OVOL2: variants seen among roughly 807,000 people sequenced by gnomAD.
OVOL2 encodes transcription factor Ovo-like 2.
Under a neutral mutation model 18.1 loss-of-function variants are expected in OVOL2, and 13 were observed. The ratio of observed to expected loss-of-function variants is 0.72; its 90% CI spans 0.47 to 1.14. The LOEUF (loss-of-function observed/expected upper bound fraction) is 1.14, where lower values mean the gene tolerates loss of function less well. Ranked by LOEUF, OVOL2 falls within the 50% of genes most tolerant of loss-of-function variation. The pLI, the probability that OVOL2 is intolerant of heterozygous loss-of-function variation, is 0.00. For synonymous variants in OVOL2, 166 were observed against 162.7 expected, an observed-to-expected ratio of 1.02 and a Z score of -0.16; for missense variants, 335 against 383.0, an observed-to-expected ratio of 0.87 and a Z score of 1.05.
At chr20:18,040,658 C>G (rs1339042818) in intron 3 of OVOL2, among the ~76,000 whole-genome samples, 1 of 152,086 alleles carries the variant, frequency 6.6e-6, no homozygotes, top group Non-Finnish European at 1.5e-5. Flanking sequence ...GCCAAGGGCA[C>G]CCCCAGGACT....
chr20:18,027,303 G>A (rs566616779), intron 3 of OVOL2, among the ~76,000 whole-genome samples: 6 of 152,072 alleles, frequency 3.9e-5, no homozygotes, highest in South Asian at 2.1e-4. Context: ...TGACGTGGGC[G>A]GATCACCTGA....
At chr20:18,052,507 G>A (rs927413667) in intron 2 of OVOL2, among the ~76,000 whole-genome samples, 1 of 152,148 alleles carries the variant, frequency 6.6e-6, no homozygotes, top group Non-Finnish European at 1.5e-5. Context: ...GGGTGGGAGT[G>A]TGGCTGGGCA....
At chr20:18,039,720 T>C (rs1467524775) in intron 3 of OVOL2, among the ~76,000 whole-genome samples, 1 of 152,084 alleles carries the variant, frequency 6.6e-6, no homozygotes, top group African/African-American at 2.4e-5. Flanking sequence ...CAGAAACTCT[T>C]TCCAGACCAG....
chr20:18,024,520 G>A lies in OVOL2; in HGVS notation c.*116C>T. 1 of 1,451,414 alleles carries A rather than the reference G, an allele frequency of 6.9e-7. No homozygotes were observed. The highest frequency in any genetic ancestry group is 9.1e-7 in the Non-Finnish European group (1 of 1,101,238). The allele number at this position is 1,451,414 out of a possible 1,614,324, so 89.9% of individuals were successfully genotyped here. A position where few individuals can be genotyped will look rare whatever the true frequency, so the allele number is the denominator to read the frequency against. On this transcript the variant is annotated 3_prime_UTR_variant, in exon 4 of 4. Transcript: ENST00000278780. ...ACTGCTGATGTTTCAAAAGGACACA[G>A]AGGTGAACTGGTCACTTCTAATTAA...
rs538188467 is a variant in OVOL2 at position 18,057,706 on chromosome 20, C to T, written c.-72G>A. ...CCCGCTAGGGGCAACGGCGGCGGCT[C>T]CGTCCCCGGCTCCCGGCGGCCAGAG... On this transcript the variant is annotated 5_prime_UTR_variant, in exon 1 of 4. Transcript: ENST00000278780. This position sits in a 1 kb window ranked among gnomAD's most constrained non-coding sequence, Gnocchi z 6.3. 2,889 of 1,475,064 alleles carry T rather than the reference C, an allele frequency of 2.0e-3. 54 individuals carry two copies. In the African/African-American group the frequency reaches 0.038, roughly 20 times the overall value. 91.4% of individuals were successfully genotyped at this position (1,475,064 alleles called of 1,614,324 possible).
chr20:18,028,669 T>C (rs1350369353), intron 3 of OVOL2, among the ~76,000 whole-genome samples: 2 of 152,032 alleles, frequency 1.3e-5, no homozygotes, highest in Non-Finnish European at 2.9e-5. Context: ...GGCCCACATC[T>C]GTAATCTCAG....
Position 18,034,749 on chromosome 20 carries a change from T to C in OVOL2, c.511+6785A>G, listed in dbSNP as rs148347203. 2.6e-3 allele frequency among the ~76,000 whole-genome samples: 396 copies of C among 152,202 alleles called. 2 individuals carry two copies. Among genetic ancestry groups the C allele is most frequent in the African/African-American group, 9.1e-3 (378 of 41,530 alleles). ...ATCTTTTCTTTCGTCTACTTGGATA[T>C]TAATGTAAGACATCTTCAGGTTCTA... On this transcript the variant is annotated intron_variant, in intron 3 of 3. Coordinates refer to ENST00000278780, the MANE Select transcript of OVOL2 (RefSeq NM_021220.4).
chr20:18,051,720 T>C (rs2036772909), intron 2 of OVOL2, among the ~76,000 whole-genome samples: 2 of 152,198 alleles, frequency 1.3e-5, no homozygotes, highest in Admixed American at 1.3e-4. Flanking sequence ...GAAATGTCGC[T>C]AGTAGGACTG....
chr20:18,037,150 A>AAAAAAAAAAAG lies in OVOL2; in HGVS notation c.511+4383_511+4384insCTTTTTTTTTT, dbSNP rs751298916. 1.9e-4 allele frequency among the ~76,000 whole-genome samples: 28 copies of AAAAAAAAAAAG among 147,228 alleles called. 1 individual carries two copies. The highest frequency in any genetic ancestry group is 3.4e-4 in the Admixed American group (5 of 14,512). On this transcript the variant is annotated intron_variant, in intron 3 of 3. Coordinates refer to ENST00000278780, the MANE Select transcript of OVOL2 (RefSeq NM_021220.4). The stretch of plus-strand genomic sequence containing the variant: ...GACTCCGTCTCAAAAAAAAAAAAAA[A>AAAAAAAAAAAG]AAAGAAAGAAACTGCAACAGGGCAG...
rs777416220 is a variant in OVOL2 at position 18,024,981 on chromosome 20, C to T, written c.512-29G>A. 30 of 1,588,668 alleles carry T rather than the reference C, an allele frequency of 1.9e-5. No homozygotes were observed. The South Asian group carries it at 2.4e-4, about 13-fold the overall frequency. On this transcript the variant is annotated intron_variant, in intron 3 of 3. Transcript: ENST00000278780. ...AAAGGATGAGGGACAGACACAGCAT[C>T]GGTTGGTCATGGCCAAGCCAGAACC...
chr20:18,056,578 G>T lies in OVOL2; in HGVS notation c.321+79C>A. ...GTGCCGGGTTGCGCAGGCGGGCGCGGCAGGGAGGGGCGCCGGCCTCGGGAG... is the reference window on the plus strand; with the variant it reads ...GTGCCGGGTTGCGCAGGCGGGCGCGTCAGGGAGGGGCGCCGGCCTCGGGAG... On this transcript the variant is annotated intron_variant, in intron 2 of 3. Coordinates refer to ENST00000278780, the MANE Select transcript of OVOL2 (RefSeq NM_021220.4). This position sits in a 1 kb window ranked among gnomAD's most constrained non-coding sequence, Gnocchi z 4.2. 1 of 1,272,844 alleles carries T rather than the reference G, an allele frequency of 7.9e-7. No individual in the cohort carries two copies. 78.8% of individuals were successfully genotyped at this position (1,272,844 alleles called of 1,614,324 possible).
At chr20:18,026,500 G>C (rs1334292378) in intron 3 of OVOL2, among the ~76,000 whole-genome samples, 2 of 151,218 alleles carry the variant, frequency 1.3e-5, no homozygotes, top group African/African-American at 2.4e-5. Flanking sequence ...TCCTGCCTCA[G>C]CCTCCCGAGT....
intron 2 of OVOL2, among the ~76,000 whole-genome samples, chr20:18,046,943 C>CA (rs563761406): frequency 0.045 from 5,761 of 128,680 alleles, 124 homozygotes; most frequent in Middle Eastern, 0.065. Flanking sequence ...TCTGAAGGAT[C>CA]AAAAAAAAAA....
Position 18,027,978 on chromosome 20 carries a change from T to C in OVOL2, c.512-3026A>G, listed in dbSNP as rs1041165458. Among the ~76,000 whole-genome samples the C allele has an allele frequency of 1.0e-3, 156 of 150,260 alleles. 1 individual carries two copies. The highest frequency in any genetic ancestry group is 3.5e-3 in the African/African-American group (141 of 40,706). ...CAAAAGCATGGAAGTTGAGAGAGGG[T>C]GAATATGGTACTGGGGGTGCATGGA... On this transcript the variant is annotated intron_variant, in intron 3 of 3. Transcript: ENST00000278780.
intron 3 of OVOL2, among the ~76,000 whole-genome samples, chr20:18,030,834 G>A (rs1198467756): frequency 1.3e-5 from 2 of 152,188 alleles, no homozygotes; most frequent in East Asian, 3.9e-4. Context: ...CCATTTGCTA[G>A]TGTAAACGCC....
At chr20:18,058,883 T>A (rs2036854087), upstream of OVOL2, 1 of 152,336 alleles carries the variant, frequency 6.6e-6, no homozygotes, top group South Asian at 2.1e-4. Flanking sequence ...AAAGCAGTTG[T>A]GCTCACGTTG....
intron 3 of OVOL2, among the ~76,000 whole-genome samples, chr20:18,027,661 T>C (rs532020727): frequency 6.6e-6 from 1 of 152,186 alleles, no homozygotes; most frequent in Non-Finnish European, 1.5e-5. Context: ...AGTGGCACCA[T>C]CTCGGCTCAC....
intron 3 of OVOL2, among the ~76,000 whole-genome samples, chr20:18,025,872 C>T (rs60010300): frequency 0.01 from 1,559 of 152,350 alleles, 27 homozygotes; most frequent in African/African-American, 0.036. Flanking sequence ...TCTCCATCCC[C>T]AGCACTTCTG....
intron 3 of OVOL2, among the ~76,000 whole-genome samples, chr20:18,035,050 T>C (rs1203260105): frequency 6.6e-6 from 1 of 152,206 alleles, no homozygotes; most frequent in African/African-American, 2.4e-5. Flanking sequence ...CATTTAACTA[T>C]CTGTCGTATT....
Sources: allele counts gnomAD v4.1 joint callset (sites outside exome capture counted in the v4.1 genomes callset), GRCh38; gene constraint gnomAD v4.1.1; non-coding constraint Gnocchi (gnomAD v3.1); transcripts MANE v1.5; gene names NCBI Gene and HGNC (gene_info 2026-07-23, HGNC 2026-07-21).